MLF1: variants seen among roughly 807,000 people sequenced by gnomAD.
MLF1 encodes myeloid leukemia factor 1.
MLF1 carries 37 observed loss-of-function variants against 38.3 expected under a neutral mutation model. The ratio of observed to expected loss-of-function variants is 0.96; its 90% CI spans 0.74 to 1.27. The LOEUF is 1.27. MLF1 is among the 50% of genes most tolerant of loss of function. The pLI, the probability that MLF1 is intolerant of heterozygous loss-of-function variation, is 0.00. For missense variants in MLF1, 331 were observed against 349.2 expected (o/e 0.95, Z 0.42); for synonymous variants, 95 against 106.5 (o/e 0.89, Z 0.66).
intron 1 of MLF1, among the ~76,000 whole-genome samples, chr3:158,579,434 C>G (rs1440308985): frequency 6.6e-6 from 1 of 152,170 alleles, no homozygotes; most frequent in Non-Finnish European, 1.5e-5. Flanking sequence ...CAGACAGTTG[C>G]AAACACCAGA....
intron 1 of MLF1, among the ~76,000 whole-genome samples, chr3:158,592,179 C>A (rs923946380): frequency 3.3e-5 from 5 of 152,026 alleles, no homozygotes; most frequent in African/African-American, 1.2e-4. Context: ...TACTGTTTCT[C>A]CTGAATGTGG....
At chr3:158,585,924 T>A (rs1376239240) in intron 1 of MLF1, among the ~76,000 whole-genome samples, 1 of 152,092 alleles carries the variant, frequency 6.6e-6, no homozygotes, top group Non-Finnish European at 1.5e-5. Flanking sequence ...CACTTTGGGA[T>A]GCTGAGGTGG....
At chr3:158,605,015 T>C in intron 7 of MLF1, 82 bp from the exon 8 acceptor site, 2 of 1,007,112 alleles carry the variant, frequency 2.0e-6, no homozygotes, top group Non-Finnish European at 2.9e-6. Context: ...TATATTACAG[T>C]GGTTTTTAAC....
chr3:158,587,093 C>T (rs895465236), intron 1 of MLF1, among the ~76,000 whole-genome samples: 3 of 152,280 alleles, frequency 2.0e-5, no homozygotes, highest in Non-Finnish European at 2.9e-5. Context: ...GTTGAATAGA[C>T]TGAATGCTTG....
chr3:158,579,382 A>C (rs1233053190), intron 1 of MLF1, among the ~76,000 whole-genome samples: 1 of 152,206 alleles, frequency 6.6e-6, no homozygotes, highest in Non-Finnish European at 1.5e-5. Context: ...GACATGAATT[A>C]AACTCACTAG....
At position 158,571,207 on chromosome 3, in the gene MLF1, T is replaced by A; in HGVS notation, c.-94T>A. ...CTGCGCCGCGGCGAGTGAGGCGTCG[T>A]CCGTACTGGAGGCTAGCTCTTGTCG... On this transcript the variant is annotated 5_prime_UTR_variant, in exon 1 of 8. Coordinates refer to ENST00000466246, the MANE Select transcript of MLF1 (RefSeq NM_001369783.1). The A allele has an allele frequency of 1.0e-6, 1 of 995,032 alleles. No individual in the cohort carries two copies. Among genetic ancestry groups the A allele is most frequent in the South Asian group, 1.4e-5 (1 of 69,384 alleles). The allele number at this position is 995,032 out of a possible 1,614,324, so 61.6% of individuals were successfully genotyped here. A position where few individuals can be genotyped will look rare whatever the true frequency, so the allele number is the denominator to read the frequency against.
In MLF1 at chr3:158,594,853, T is replaced by A. The variant is rs552834235; in HGVS notation, c.240+1427T>A. On this transcript the variant is annotated intron_variant, in intron 3 of 7. Transcript: ENST00000466246. Reference sequence around the variant, plus strand: ...CAGTACAGATACAGGAGTGAGGTGGTCAAAACAATCATTTTAGTTTTGGAT... The same window carrying A: ...CAGTACAGATACAGGAGTGAGGTGGACAAAACAATCATTTTAGTTTTGGAT... Among the ~76,000 whole-genome samples the A allele has an allele frequency of 2.0e-5, 3 of 152,248 alleles. No individual in the cohort carries two copies. The East Asian group carries it at 5.8e-4, about 29-fold the overall frequency.
chr3:158,579,207 A>G (rs1050478845), intron 1 of MLF1, among the ~76,000 whole-genome samples: 26 of 152,296 alleles, frequency 1.7e-4, no homozygotes, highest in African/African-American at 6.3e-4. Context: ...AACATTATGA[A>G]TGGGCTAAAA....
intron 1 of MLF1, among the ~76,000 whole-genome samples, chr3:158,590,049 A>T (rs1173531025): frequency 6.6e-6 from 1 of 152,232 alleles, no homozygotes; most frequent in East Asian, 1.9e-4. Flanking sequence ...CTGAAGACCT[A>T]ACAAAGATTC....
chr3:158,599,381 T>C (rs890976904), intron 5 of MLF1, among the ~76,000 whole-genome samples: 1 of 152,220 alleles, frequency 6.6e-6, no homozygotes, highest in African/African-American at 2.4e-5. Flanking sequence ...ATAGTAAAAA[T>C]TTAGGTTTAC....
chr3:158,598,898 T>A (rs1409139070), intron 5 of MLF1, among the ~76,000 whole-genome samples: 1 of 152,188 alleles, frequency 6.6e-6, no homozygotes. Flanking sequence ...TTTCCAGATT[T>A]CCCAACATTA....
intron 4 of MLF1, among the ~76,000 whole-genome samples, chr3:158,597,281 C>T (rs901277159): frequency 6.6e-6 from 1 of 151,656 alleles, no homozygotes; most frequent in Admixed American, 6.6e-5. Flanking sequence ...AAAATAACCT[C>T]AAAAACATTG....
intron 1 of MLF1, among the ~76,000 whole-genome samples, chr3:158,581,048 G>C (rs535576211): frequency 6.6e-6 from 1 of 152,234 alleles, no homozygotes; most frequent in South Asian, 2.1e-4. Context: ...CTTGTATATA[G>C]CAGAGAATCG....
At chr3:158,588,058 A>G (rs1298827309) in intron 1 of MLF1, among the ~76,000 whole-genome samples, 1 of 152,190 alleles carries the variant, frequency 6.6e-6, no homozygotes, top group Non-Finnish European at 1.5e-5. Context: ...GTGTTCTCTC[A>G]CACATGATGG....
chr3:158,585,418 A>G (rs1717109273), intron 1 of MLF1, among the ~76,000 whole-genome samples: 1 of 152,196 alleles, frequency 6.6e-6, no homozygotes, highest in Non-Finnish European at 1.5e-5. Flanking sequence ...TGCTGGCTCC[A>G]TGATTCTTGT....
rs747393842 is a variant in MLF1, at chr3:158,600,053, G to A, written c.493G>A (p.Gly165Arg). The A allele has an allele frequency of 3.4e-6, 5 of 1,452,464 alleles. No individual in the cohort carries two copies. The highest frequency in any genetic ancestry group is 4.6e-6 in the Non-Finnish European group (5 of 1,094,494). 90.0% of individuals were successfully genotyped at this position (1,452,464 alleles called of 1,614,324 possible). A position where few individuals can be genotyped will look rare whatever the true frequency, so the allele number is the denominator to read the frequency against. ...TRKAMRDSDSGLEKMAIGHHI... is the reference protein window; with the variant it reads ...TRKAMRDSDSRLEKMAIGHHI... ...GAAAGCAATGAGAGATTCTGACAGT[G>A]GACTAGAAAAAATGGCTATTGGTCA... The change falls in exon 6 of 8, where the codon GGA becomes AGA. Residue 165 changes from glycine to arginine, a missense_variant. By Grantham distance (125) the Gly-to-Arg change is moderately radical. Coordinates refer to ENST00000466246, the MANE Select transcript of MLF1 (RefSeq NM_001369783.1).
chr3:158,593,139 T>TA (rs3835083), intron 2 of MLF1, among the ~76,000 whole-genome samples: 31,962 of 149,204 alleles, frequency 0.21, 4,251 homozygotes, highest in African/African-American at 0.38. Context: ...AACTAAAAAT[T>TA]AAAAAAAAAA....
At chr3:158,582,772 T>A (rs1716601159) in intron 1 of MLF1, 2 of 589,528 alleles carry the variant, frequency 3.4e-6, no homozygotes, top group Non-Finnish European at 3.0e-6. Flanking sequence ...CAAGAAGAAA[T>A]AGACTGTCTC....
intron 1 of MLF1, among the ~76,000 whole-genome samples, chr3:158,580,734 G>T: frequency 6.6e-6 from 1 of 150,728 alleles, no homozygotes; most frequent in Non-Finnish European, 1.5e-5. Flanking sequence ...AACGGGCAGA[G>T]CCCAGGAGCT....
Sources: gnomAD v4.1 joint callset for allele counts (sites outside exome capture counted in the v4.1 genomes callset) on GRCh38, gnomAD v4.1.1 for gene constraint, MANE v1.5 for transcripts, NCBI Gene and HGNC (gene_info 2026-07-23, HGNC 2026-07-21) for gene names.